Variants in PLPP7 observed in about 807,000 individuals in gnomAD.
PLPP7 encodes inactive phospholipid phosphatase 7.
A neutral mutation model predicts 16.9 loss-of-function variants in PLPP7; 11 were observed. The ratio of observed to expected loss-of-function variants is 0.65; its 90% CI spans 0.41 to 1.08. The LOEUF is 1.08. Ranked by LOEUF, PLPP7 falls within the 50% of genes least tolerant of loss-of-function variation. PLPP7 has a pLI of 0.00. For missense variants in PLPP7, 358 were observed against 397.1 expected, an observed-to-expected ratio of 0.90 and a Z score of 0.84; for synonymous variants, 174 against 175.1, an observed-to-expected ratio of 0.99 and a Z score of 0.05.
At chr9:131,297,660 A>C (rs993756386) in intron 1 of PLPP7, among the ~76,000 whole-genome samples, 1 of 152,236 alleles carries the variant, frequency 6.6e-6, no homozygotes, top group Non-Finnish European at 1.5e-5. Context: ...TGCTGGGATT[A>C]CAGGCGTGAG....
intron 1 of PLPP7, among the ~76,000 whole-genome samples, chr9:131,301,947 G>T (rs1055019693): frequency 9.2e-5 from 14 of 151,728 alleles, no homozygotes; most frequent in African/African-American, 3.4e-4. Context: ...CTCCCAAGTA[G>T]CTGGGACTAC....
intron 1 of PLPP7, among the ~76,000 whole-genome samples, chr9:131,297,446 C>T (rs983666894): frequency 2.0e-5 from 3 of 148,780 alleles, no homozygotes; most frequent in African/African-American, 5.0e-5. Flanking sequence ...AGGGCAGTGG[C>T]GCGACCTCAG....
chr9:131,297,019 G>A (rs985022442), intron 1 of PLPP7, among the ~76,000 whole-genome samples: 1 of 152,232 alleles, frequency 6.6e-6, no homozygotes, highest in Non-Finnish European at 1.5e-5. Context: ...CTCGGAAGTA[G>A]AGGGGTTCCC....
intron 1 of PLPP7, among the ~76,000 whole-genome samples, chr9:131,300,858 C>G (rs369211847): frequency 4.6e-5 from 7 of 152,156 alleles, no homozygotes; most frequent in African/African-American, 1.7e-4. Flanking sequence ...CCCAGTGTAC[C>G]CCCCGGGTGA....
intron 1 of PLPP7, among the ~76,000 whole-genome samples, chr9:131,304,853 G>A (rs1465208029): frequency 2.0e-5 from 3 of 152,202 alleles, no homozygotes; most frequent in African/African-American, 4.8e-5. Flanking sequence ...AGTGACTGCG[G>A]GGGAAAAGCC....
intron 1 of PLPP7, among the ~76,000 whole-genome samples, chr9:131,302,757 TGA>T (rs971111722): frequency 7.0e-4 from 106 of 152,222 alleles, no homozygotes; most frequent in African/African-American, 2.5e-3. Context: ...CTGTGGCTAA[TGA>T]GAGGGGCCAG....
chr9:131,305,185 C>T (rs1050501379), intron 1 of PLPP7, among the ~76,000 whole-genome samples: 1 of 152,214 alleles, frequency 6.6e-6, no homozygotes, highest in South Asian at 2.1e-4. Flanking sequence ...CTTGCACACA[C>T]GTGCATAGCA....
At chr9:131,292,748 TCAC>T in intron 1 of PLPP7, 1 of 980,092 alleles carries the variant, frequency 1.0e-6, no homozygotes, top group South Asian at 4.7e-5. Context: ...CTGCCTCACA[TCAC>T]CAAGTAAAAT....
At position 131,308,063 on chromosome 9, in the gene PLPP7, G is replaced by A. The variant is rs767973643; in HGVS notation, c.592G>A (p.Ala198Thr). ...AFPAGHASRA[A>T]MVSKFFLSHL... Reference sequence around the variant, plus strand: ...CCCGGCCGGGCACGCCAGCCGCGCCGCCATGGTGTCCAAGTTCTTCCTCAG... The same window carrying A: ...CCCGGCCGGGCACGCCAGCCGCGCCACCATGGTGTCCAAGTTCTTCCTCAG... The change falls in exon 2 of 2, where the codon GCC becomes ACC. Residue 198 changes from alanine (A) to threonine (T), a missense_variant. Ala to Thr is a moderately conservative substitution (Grantham distance 58). Transcript: ENST00000372264. 39 of 1,601,206 alleles carry A rather than the reference G, an allele frequency of 2.4e-5. No individual in the cohort carries two copies. Among genetic ancestry groups the A allele is most frequent in the Non-Finnish European group, 2.5e-5 (29 of 1,179,844 alleles).
At chr9:131,300,845 G>A (rs1343640092) in intron 1 of PLPP7, among the ~76,000 whole-genome samples, 5 of 152,076 alleles carry the variant, frequency 3.3e-5, no homozygotes, top group Non-Finnish European at 7.4e-5. Context: ...TTGAGGTGCT[G>A]GGCCCAGTGT....
At position 131,308,804 on chromosome 9, in the gene PLPP7, G is replaced by T. The variant is rs2483477; in HGVS notation, c.*517G>T. 0.66 allele frequency: 101,699 copies of T among 154,366 alleles called. 34,727 individuals are homozygous for T. Among genetic ancestry groups the T allele is most frequent in the Middle Eastern group, 0.78 (228 of 294 alleles). The allele number at this position is 154,366 out of a possible 1,614,324, so 9.6% of individuals were successfully genotyped here. A position where few individuals can be genotyped will look rare whatever the true frequency, so the allele number is the denominator to read the frequency against. On this transcript the variant is annotated 3_prime_UTR_variant, in exon 2 of 2. Coordinates refer to ENST00000372264, the MANE Select transcript of PLPP7 (RefSeq NM_032728.4). ...GACACCAGCCTGCGAGATGCTTTTGGGGGAAAGGGGTTTTGTGGTTCAATA... is the reference window on the plus strand; with the variant it reads ...GACACCAGCCTGCGAGATGCTTTTGTGGGAAAGGGGTTTTGTGGTTCAATA...
At chr9:131,292,540 GCCAGGAGCAGAA>G (rs1484539987) in intron 1 of PLPP7, among the ~76,000 whole-genome samples, 1 of 152,196 alleles carries the variant, frequency 6.6e-6, no homozygotes, top group Non-Finnish European at 1.5e-5. Context: ...CAGTGATGGA[GCCAGGAGCAGAA>G]CCAGGAGCAA....
chr9:131,300,105 G>C (rs1208514265), intron 1 of PLPP7, among the ~76,000 whole-genome samples: 2 of 152,200 alleles, frequency 1.3e-5, no homozygotes, highest in Non-Finnish European at 2.9e-5. Flanking sequence ...TGGTTCTGGA[G>C]GCTGGGAAGT....
chr9:131,308,392 C>A lies in PLPP7; in HGVS notation c.*105C>A. 2 of 1,433,616 alleles carry A rather than the reference C, an allele frequency of 1.4e-6. No individual in the cohort carries two copies. Among genetic ancestry groups the A allele is most frequent in the South Asian group, 1.5e-5 (1 of 68,056 alleles). The allele number at this position is 1,433,616 out of a possible 1,614,324, so 88.8% of individuals were successfully genotyped here. On this transcript the variant is annotated 3_prime_UTR_variant, in exon 2 of 2. Coordinates refer to ENST00000372264, the MANE Select transcript of PLPP7 (RefSeq NM_032728.4). ...TGGGTGGAACAGAGCGGCCAGGAGTCAGAGCGGCCACCCCCACCTCATCTT... is the reference window on the plus strand; with the variant it reads ...TGGGTGGAACAGAGCGGCCAGGAGTAAGAGCGGCCACCCCCACCTCATCTT...
At chr9:131,297,937 C>T (rs901011803) in intron 1 of PLPP7, among the ~76,000 whole-genome samples, 14 of 152,138 alleles carry the variant, frequency 9.2e-5, no homozygotes, top group African/African-American at 3.4e-4. Context: ...TGGCCTTTTC[C>T]ACTTAACATA....
At chr9:131,306,123 G>A (rs1012919960) in intron 1 of PLPP7, among the ~76,000 whole-genome samples, 1 of 152,166 alleles carries the variant, frequency 6.6e-6, no homozygotes, top group African/African-American at 2.4e-5. Flanking sequence ...TGTAGTCCCA[G>A]CTACTCAGGA....
intron 1 of PLPP7, chr9:131,291,470 C>T (rs2131211917): frequency 2.9e-6 from 3 of 1,025,964 alleles, no homozygotes; most frequent in Non-Finnish European, 3.6e-6. Flanking sequence ...GCTCTATGCT[C>T]TCTGGGTGGG....
rs1421365786 is a variant in PLPP7, at chr9:131,295,054, G to T, written c.451+4606G>T. 6.6e-6 allele frequency among the ~76,000 whole-genome samples: 1 copy of T among 150,650 alleles called. No individual in the cohort carries two copies. The highest frequency in any genetic ancestry group is 6.6e-5 in the Admixed American group (1 of 15,174). ...GGCATGAACCCGGGAGGCGGAGCTTGCAGTGAGCTGAGATCGCACCACTGC... is the reference window on the plus strand; with the variant it reads ...GGCATGAACCCGGGAGGCGGAGCTTTCAGTGAGCTGAGATCGCACCACTGC... On this transcript the variant is annotated intron_variant, in intron 1 of 1. Transcript: ENST00000372264. The surrounding 1 kb of genome is among the most constrained non-coding windows in gnomAD (Gnocchi z 4.0).
rs569952370 is a variant in PLPP7 at position 131,299,058 on chromosome 9, A to T, written c.451+8610A>T. On this transcript the variant is annotated intron_variant, in intron 1 of 1. Transcript: ENST00000372264. ...GGGTCCATTACCAAGTGTCTGCTAT[A>T]CACAAGCATCAGAGCAGGCCCCTTG... 1.8e-4 allele frequency among the ~76,000 whole-genome samples: 27 copies of T among 152,314 alleles called. No individual in the cohort carries two copies. In the South Asian group the frequency reaches 5.6e-3, roughly 32 times the overall value.
Sources: gnomAD v4.1 joint callset for allele counts (sites outside exome capture counted in the v4.1 genomes callset) on GRCh38, gnomAD v4.1.1 for gene constraint, Gnocchi (gnomAD v3.1) non-coding constraint, MANE v1.5 for transcripts, NCBI Gene and HGNC (gene_info 2026-07-23, HGNC 2026-07-21) for gene names.